PCDHA6: variants seen among roughly 807,000 people sequenced by gnomAD.
PCDHA6 encodes the protein protocadherin alpha 6, also known as protocadherin alpha-6.
In PCDHA6, 55 loss-of-function variants were observed where a neutral mutation model predicts 60.3. That is an observed-to-expected ratio of 0.91 (90% confidence interval 0.73 to 1.14). The LOEUF (loss-of-function observed/expected upper bound fraction) is 1.14. Among genes scored for constraint, PCDHA6 ranks in the 50% most tolerant of loss-of-function variants. The pLI, the probability that PCDHA6 is intolerant of heterozygous loss-of-function variation, is 0.00. For missense variants in PCDHA6, 1,327 were observed against 1,256.5 expected, an observed-to-expected ratio of 1.06 and a Z score of -0.85; for synonymous variants, 652 against 557.9, an observed-to-expected ratio of 1.17 and a Z score of -2.38.
chr5:140,877,835 G>A, intron 1 of PCDHA6: 11 of 1,586,326 alleles, frequency 6.9e-6, no homozygotes, highest in Non-Finnish European at 9.4e-6. Context: ...AATCCTCCCA[G>A]TGAAGTAAGT....
At chr5:140,860,712 GA>G (rs1321036052) in intron 1 of PCDHA6, 1 of 152,188 alleles carries the variant, frequency 6.6e-6, no homozygotes, top group African/African-American at 2.4e-5. Flanking sequence ...TGTTCTCCAT[GA>G]AAAGTTTTTT....
intron 1 of PCDHA6, chr5:140,841,217 C>A: frequency 7.0e-7 from 1 of 1,422,140 alleles, no homozygotes; most frequent in Non-Finnish European, 9.5e-7. Context: ...TCTCTAAAGG[C>A]CGAACAACGG....
chr5:140,882,542 C>A, intron 1 of PCDHA6: 5 of 1,614,166 alleles, frequency 3.1e-6, no homozygotes, highest in Non-Finnish European at 3.4e-6. Context: ...TCGGATCGAC[C>A]GCGAGGAGCT....
chr5:140,860,216 T>G (rs1554153148), intron 1 of PCDHA6: 1 of 150,178 alleles, frequency 6.7e-6, no homozygotes, highest in Admixed American at 6.6e-5. Context: ...TATGTACTTA[T>G]GTATATATAA....
intron 1 of PCDHA6, among the ~76,000 whole-genome samples, chr5:140,926,207 C>A (rs1259453811): frequency 6.6e-6 from 1 of 152,074 alleles, no homozygotes; most frequent in Non-Finnish European, 1.5e-5. Flanking sequence ...TCGGGGGGCT[C>A]CTGTTTCCTT....
intron 3 of PCDHA6, among the ~76,000 whole-genome samples, chr5:141,000,900 G>A (rs1020896392): frequency 6.6e-6 from 1 of 151,614 alleles, no homozygotes; most frequent in African/African-American, 2.4e-5. Flanking sequence ...AGATATAGAC[G>A]CTGTCTCTAA....
intron 1 of PCDHA6, among the ~76,000 whole-genome samples, chr5:140,923,970 C>T (rs2081601306): frequency 2.6e-5 from 4 of 152,220 alleles, no homozygotes; most frequent in Admixed American, 2.6e-4. Flanking sequence ...TATACCCACA[C>T]ATACTATCCC....
intron 1 of PCDHA6, chr5:140,835,661 C>G: frequency 6.2e-7 from 1 of 1,613,886 alleles, no homozygotes; most frequent in Non-Finnish European, 8.5e-7. Flanking sequence ...TGGTGGTTAC[C>G]GCGCGGGACG....
chr5:140,999,183 AG>A (rs1233229901), intron 3 of PCDHA6, among the ~76,000 whole-genome samples: 2 of 152,200 alleles, frequency 1.3e-5, no homozygotes, highest in East Asian at 1.9e-4. Flanking sequence ...TGATGGGGAG[AG>A]GGTCCTTGGA....
At chr5:140,963,346 A>G (rs2095758163) in intron 1 of PCDHA6, among the ~76,000 whole-genome samples, 1 of 152,236 alleles carries the variant, frequency 6.6e-6, no homozygotes, top group Non-Finnish European at 1.5e-5. Flanking sequence ...TTGTAAATTT[A>G]GTTCTTTTCA....
intron 3 of PCDHA6, among the ~76,000 whole-genome samples, chr5:140,996,673 T>C (rs2097737293): frequency 6.6e-6 from 1 of 152,200 alleles, no homozygotes; most frequent in African/African-American, 2.4e-5. Context: ...TTTTGAACCA[T>C]GTTGGGCTAG....
At chr5:140,871,004 G>T in intron 1 of PCDHA6, 1 of 1,613,410 alleles carries the variant, frequency 6.2e-7, no homozygotes, top group Non-Finnish European at 8.5e-7. Context: ...AGCACAACGC[G>T]TGCCCTGGAC....
In PCDHA6 at chr5:140,841,984, G is replaced by T. The variant is rs2150326870; in HGVS notation, c.2394+11499G>T. On this transcript the variant is annotated intron_variant, in intron 1 of 3. Coordinates refer to ENST00000529310, the MANE Select transcript of PCDHA6 (RefSeq NM_018909.4). ...CAGCCACAGATGGGGGCAAACCTGA[G>T]CTCACAGGCACTGTTCAGCTGCTGG... 5 of 1,613,848 alleles carry T rather than the reference G, an allele frequency of 3.1e-6. No homozygotes were observed. In the East Asian group the frequency reaches 1.1e-4, roughly 36 times the overall value.
intron 1 of PCDHA6, among the ~76,000 whole-genome samples, chr5:140,914,914 G>A (rs2076876381): frequency 7.0e-6 from 1 of 143,682 alleles, no homozygotes; most frequent in African/African-American, 2.6e-5. Context: ...GTTTCTCTGT[G>A]TCTTATTGTA....
chr5:140,888,753 A>G (rs1237459726), intron 1 of PCDHA6, among the ~76,000 whole-genome samples: 1 of 149,022 alleles, frequency 6.7e-6, no homozygotes, highest in Non-Finnish European at 1.5e-5. Flanking sequence ...TATTCTACCC[A>G]CTTTTTTTTT....
chr5:140,928,068 C>T (rs1554205429), intron 1 of PCDHA6: 2 of 1,614,214 alleles, frequency 1.2e-6, no homozygotes, highest in Non-Finnish European at 1.7e-6. Context: ...CTTCCTTTGA[C>T]AACTACTACA....
chr5:140,872,729 A>T (rs578008508), intron 1 of PCDHA6, among the ~76,000 whole-genome samples: 15 of 152,366 alleles, frequency 9.8e-5, no homozygotes, highest in African/African-American at 3.6e-4. Flanking sequence ...AAATTATTCA[A>T]ATTATCTAAA....
Position 141,010,445 on chromosome 5 carries a change from A to C in PCDHA6, c.*508A>C. On this transcript the variant is annotated 3_prime_UTR_variant, in exon 4 of 4. Transcript: ENST00000529310. ...AAGGCAAGAAAACAAAGACAAATAA[A>C]CAGCGGAAGTTATCAGTATGGAGGG... 1.1e-6 allele frequency: 1 copy of C among 944,134 alleles called. No individual in the cohort carries two copies. The highest frequency in any genetic ancestry group is 1.5e-6 in the Non-Finnish European group (1 of 656,048). 58.5% of individuals were successfully genotyped at this position (944,134 alleles called of 1,614,324 possible).
intron 1 of PCDHA6, chr5:140,884,631 A>G: frequency 2.5e-6 from 4 of 1,612,580 alleles, no homozygotes; most frequent in Non-Finnish European, 3.4e-6. Flanking sequence ...GGAACAGGCC[A>G]GAGGGAGGAG....
Sources: allele counts gnomAD v4.1 joint callset (sites outside exome capture counted in the v4.1 genomes callset), GRCh38; gene constraint gnomAD v4.1.1; transcripts MANE v1.5; gene names NCBI Gene and HGNC (gene_info 2026-07-23, HGNC 2026-07-21).